Variants in PLCL1 observed in about 807,000 individuals in gnomAD.
PLCL1 encodes phospholipase C like 1 (inactive), also known as inactive phospholipase C-like protein 1.
PLCL1 carries 41 observed loss-of-function variants against 84.4 expected under a neutral mutation model. The observed-to-expected ratio is 0.49, with a 90% CI of 0.38 to 0.63. The LOEUF is 0.63. PLCL1 is among the 30% of genes least tolerant of loss of function. The pLI is 0.00. For synonymous variants in PLCL1, 490 were observed against 488.3 expected (o/e 1.00, Z -0.05); for missense variants, 1,206 against 1,367.8 (o/e 0.88, Z 1.87).
chr2:197,877,494 T>C (rs552395149), intron 1 of PLCL1, among the ~76,000 whole-genome samples: 3 of 152,238 alleles, frequency 2.0e-5, no homozygotes, highest in East Asian at 3.9e-4. Context: ...GTGCCACTTT[T>C]CCGCATCATC....
intron 1 of PLCL1, among the ~76,000 whole-genome samples, chr2:197,898,331 G>T (rs1342539679): frequency 1.1e-4 from 16 of 152,168 alleles, no homozygotes; most frequent in Admixed American, 1.0e-3. Flanking sequence ...AACCAGGAAA[G>T]CAAGTACTGA....
At chr2:197,816,930 A>G (rs1690701454) in intron 1 of PLCL1, among the ~76,000 whole-genome samples, 1 of 152,148 alleles carries the variant, frequency 6.6e-6, no homozygotes. Context: ...AAATTCAAAT[A>G]TATGATTGTG....
intron 1 of PLCL1, among the ~76,000 whole-genome samples, chr2:197,894,196 A>G (rs1688087200): frequency 6.6e-6 from 1 of 151,982 alleles, no homozygotes; most frequent in African/African-American, 2.4e-5. Flanking sequence ...AAAGGCAGGG[A>G]AAGTGAATAT....
chr2:198,029,120 T>A (rs1691345106), intron 1 of PLCL1, among the ~76,000 whole-genome samples: 1 of 152,200 alleles, frequency 6.6e-6, no homozygotes. Flanking sequence ...TCAAGAACTC[T>A]CTGATGCTGA....
chr2:197,958,863 G>A (rs1197442034), intron 1 of PLCL1, among the ~76,000 whole-genome samples: 5 of 151,742 alleles, frequency 3.3e-5, no homozygotes, highest in African/African-American at 7.3e-5. Flanking sequence ...GTAGAGTTGA[G>A]CTTTAAATTC....
At chr2:197,841,065 G>T (rs980273174) in intron 1 of PLCL1, among the ~76,000 whole-genome samples, 2 of 152,122 alleles carry the variant, frequency 1.3e-5, no homozygotes, top group African/African-American at 4.8e-5. Context: ...AATTTGAGCA[G>T]AAAGTACAGA....
intron 1 of PLCL1, among the ~76,000 whole-genome samples, chr2:197,949,384 C>T (rs1689346116): frequency 6.6e-6 from 1 of 152,154 alleles, no homozygotes; most frequent in Non-Finnish European, 1.5e-5. Context: ...CATCTGCACT[C>T]ATTTGTCCTT....
intron 3 of PLCL1, among the ~76,000 whole-genome samples, chr2:198,097,519 G>A (rs7595412): frequency 0.92 from 139,471 of 152,260 alleles, 63,934 homozygotes; most frequent in East Asian, 1. Context: ...AAGGCTACTC[G>A]TCTGGATATT....
intron 3 of PLCL1, among the ~76,000 whole-genome samples, chr2:198,100,830 G>A: frequency 6.6e-6 from 1 of 151,820 alleles, no homozygotes; most frequent in Admixed American, 6.6e-5. Flanking sequence ...GAGACAGGGA[G>A]GATAAAATGG....
At chr2:197,956,022 C>A (rs775374178) in intron 1 of PLCL1, among the ~76,000 whole-genome samples, 1 of 151,758 alleles carries the variant, frequency 6.6e-6, no homozygotes, top group Non-Finnish European at 1.5e-5. Flanking sequence ...TCCCTGTGTC[C>A]ATTTGTTCTC....
intron 1 of PLCL1, among the ~76,000 whole-genome samples, chr2:197,926,839 G>A (rs552087291): frequency 6.6e-6 from 1 of 152,186 alleles, no homozygotes; most frequent in East Asian, 1.9e-4. Flanking sequence ...TGTGGTACTC[G>A]TTTGGGTTTG....
At chr2:197,841,861 CTT>C (rs1220939002) in intron 1 of PLCL1, among the ~76,000 whole-genome samples, 1 of 152,150 alleles carries the variant, frequency 6.6e-6, no homozygotes, top group Admixed American at 6.5e-5. Context: ...GATGTGATGC[CTT>C]TAAGAACTGA....
In PLCL1 at chr2:198,086,186, C is replaced by A; in HGVS notation, c.2669C>A (p.Ala890Glu). The change falls in exon 2 of 6, where the codon GCG becomes GAG. Residue 890 changes from alanine to glutamate, a missense_variant. By Grantham distance (107) the Ala-to-Glu change is moderately radical. Coordinates refer to ENST00000428675, the MANE Select transcript of PLCL1 (RefSeq NM_006226.4). ...LKTIDDIFKI[A>E]VHPLREAIDM... is the part of the protein sequence containing the mutation. The stretch of plus-strand genomic sequence containing the variant: ...ACCATTGATGACATCTTTAAAATAG[C>A]GGTTCATCCATTACGAGAAGCCATA... 1 of 1,613,484 alleles carries A rather than the reference C, an allele frequency of 6.2e-7. No individual in the cohort carries two copies. The highest frequency in any genetic ancestry group is 1.1e-5 in the South Asian group (1 of 91,062).
rs562273946 is a variant in PLCL1, at chr2:198,120,032, A to G, written c.3105+16096A>G. ...TTCTTCATATTGGGCGTTGTGTCCA[A>G]CGTCACCATTGGATGCCTATGTGTC... On this transcript the variant is annotated intron_variant, in intron 5 of 5. Coordinates refer to ENST00000428675, the MANE Select transcript of PLCL1 (RefSeq NM_006226.4). 6.6e-5 allele frequency among the ~76,000 whole-genome samples: 10 copies of G among 152,114 alleles called. No individual in the cohort carries two copies. The East Asian group carries it at 1.6e-3, about 24-fold the overall frequency.
At chr2:198,104,356 G>T (rs1693418724) in intron 5 of PLCL1, among the ~76,000 whole-genome samples, 1 of 152,094 alleles carries the variant, frequency 6.6e-6, no homozygotes, top group South Asian at 2.1e-4. Flanking sequence ...CCATGTTGCT[G>T]CAAAGGACAT....
intron 1 of PLCL1, among the ~76,000 whole-genome samples, chr2:198,016,463 C>T (rs1452077448): frequency 6.6e-6 from 1 of 152,200 alleles, no homozygotes; most frequent in Non-Finnish European, 1.5e-5. Context: ...CTCTACGCAA[C>T]TGTAAGCACA....
At chr2:197,961,656 A>T (rs571979844) in intron 1 of PLCL1, among the ~76,000 whole-genome samples, 18 of 151,972 alleles carry the variant, frequency 1.2e-4, no homozygotes, top group South Asian at 8.3e-4. Flanking sequence ...TATTTGGCTC[A>T]GACAAAATAA....
intron 1 of PLCL1, among the ~76,000 whole-genome samples, chr2:197,958,156 A>G (rs568219403): frequency 1.3e-5 from 2 of 152,176 alleles, no homozygotes; most frequent in South Asian, 4.1e-4. Flanking sequence ...AAAAGTTTAC[A>G]TATGAGTTAA....
intron 1 of PLCL1, among the ~76,000 whole-genome samples, chr2:198,020,088 A>C (rs899130563): frequency 2.0e-5 from 3 of 152,236 alleles, no homozygotes; most frequent in African/African-American, 7.2e-5. Context: ...AATATTCAAC[A>C]TTCTTAAAGA....
Sources: allele counts gnomAD v4.1 joint callset (sites outside exome capture counted in the v4.1 genomes callset), GRCh38; gene constraint gnomAD v4.1.1; transcripts MANE v1.5; gene names NCBI Gene and HGNC (gene_info 2026-07-23, HGNC 2026-07-21).